Variants in BABAM2 observed in about 807,000 individuals in gnomAD.
The protein encoded by BABAM2 is BRISC and BRCA1-A complex member 2.
BABAM2 carries 31 observed loss-of-function variants against 54.7 expected under a neutral mutation model. The ratio of observed to expected loss-of-function variants is 0.57; its 90% CI spans 0.43 to 0.77. The LOEUF is 0.77. Ranked by LOEUF, BABAM2 falls within the 30% of genes least tolerant of loss-of-function variation. The probability of loss-of-function intolerance (pLI) is 0.00; values close to 1 mark genes in which losing one functional copy is unlikely to be tolerated. For missense variants in BABAM2, 364 were observed against 455.8 expected (o/e 0.80, Z 1.83); for synonymous variants, 167 against 162.9 (o/e 1.03, Z -0.19).
At chr2:28,047,304 T>A (rs1677658127) in intron 6 of BABAM2, among the ~76,000 whole-genome samples, 1 of 152,216 alleles carries the variant, frequency 6.6e-6, no homozygotes, top group African/African-American at 2.4e-5. Context: ...TAGTAAGCAG[T>A]CTTCTAAGAA....
intron 7 of BABAM2, among the ~76,000 whole-genome samples, chr2:28,209,518 A>G (rs76994435): frequency 0.062 from 9,442 of 152,296 alleles, 428 homozygotes; most frequent in Non-Finnish European, 0.094. Flanking sequence ...TGGACACTGA[A>G]TTATAAGCAT....
intron 5 of BABAM2, among the ~76,000 whole-genome samples, chr2:28,025,906 G>T (rs1401464939): frequency 1.3e-5 from 2 of 152,124 alleles, no homozygotes; most frequent in African/African-American, 4.8e-5. Context: ...AATCAAGTCA[G>T]ACCTTATCAC....
intron 6 of BABAM2, among the ~76,000 whole-genome samples, chr2:28,060,477 C>T (rs1233034134): frequency 6.6e-6 from 1 of 152,054 alleles, no homozygotes; most frequent in Non-Finnish European, 1.5e-5. Flanking sequence ...CTATTCAGTA[C>T]TGGGGGGGCC....
intron 7 of BABAM2, among the ~76,000 whole-genome samples, chr2:28,157,487 T>C (rs1206321640): frequency 6.6e-6 from 1 of 152,336 alleles, no homozygotes; most frequent in Non-Finnish European, 1.5e-5. Context: ...CAAGCTTTGA[T>C]AGCAGCAAAA....
chr2:27,919,589 T>TATTA (rs1406267113), intron 2 of BABAM2, among the ~76,000 whole-genome samples: 1 of 152,232 alleles, frequency 6.6e-6, no homozygotes, highest in Non-Finnish European at 1.5e-5. Context: ...CACTTGTACT[T>TATTA]ATTAAGATAA....
In BABAM2 at chr2:28,026,979, A is replaced by ATATAAATATAT. The variant is rs1558668295; in HGVS notation, c.495+1559_495+1560insTATAAATATAT. ...ATATAAATATATATATAAATATATA[A>ATATAAATATAT]ATATATATAAAAATATATAAATATA... On this transcript the variant is annotated intron_variant, in intron 5 of 11. Coordinates refer to ENST00000379624, the MANE Select transcript of BABAM2 (RefSeq NM_199191.3). 2.4e-3 allele frequency among the ~76,000 whole-genome samples: 230 copies of ATATAAATATAT among 96,572 alleles called. 6 individuals are homozygous for ATATAAATATAT. The highest frequency in any genetic ancestry group is 0.011 in the African/African-American group (217 of 19,492). 63.4% of individuals were successfully genotyped at this position (96,572 alleles called of 152,430 possible).
intron 7 of BABAM2, among the ~76,000 whole-genome samples, chr2:28,210,198 C>T (rs1451555480): frequency 6.6e-6 from 1 of 152,172 alleles, no homozygotes; most frequent in East Asian, 1.9e-4. Context: ...GGTTCTCCTC[C>T]CTGCTTTCCT....
chr2:28,216,628 G>A (rs1365394205), intron 7 of BABAM2, among the ~76,000 whole-genome samples: 2 of 152,144 alleles, frequency 1.3e-5, no homozygotes, highest in African/African-American at 2.4e-5. Flanking sequence ...CAGAGTGTTG[G>A]CTCCATTTCC....
intron 3 of BABAM2, chr2:27,930,510 GA>G: frequency 1.3e-5 from 2 of 152,368 alleles, no homozygotes; most frequent in East Asian, 3.9e-4. Context: ...CACTTAAGGG[GA>G]GTTACCTTTA....
At chr2:28,115,043 A>G (rs911043651) in intron 6 of BABAM2, among the ~76,000 whole-genome samples, 4 of 152,172 alleles carry the variant, frequency 2.6e-5, no homozygotes, top group Non-Finnish European at 5.9e-5. Flanking sequence ...TAAGCACCAT[A>G]CTGGACACCA....
At chr2:27,982,882 C>CACACACAT (rs746699740) in intron 3 of BABAM2, among the ~76,000 whole-genome samples, 171 of 146,440 alleles carry the variant, frequency 1.2e-3, no homozygotes, top group African/African-American at 3.0e-3. Flanking sequence ...CACACACACA[C>CACACACAT]ATATATGTCA....
At chr2:28,032,444 GC>G (rs879788770) in intron 5 of BABAM2, among the ~76,000 whole-genome samples, 2 of 151,942 alleles carry the variant, frequency 1.3e-5, no homozygotes, top group Non-Finnish European at 2.9e-5. Flanking sequence ...TCTTCTCCCT[GC>G]CCCCTGAACC....
At chr2:28,283,267 G>A (rs1181638438) in intron 10 of BABAM2, among the ~76,000 whole-genome samples, 2 of 152,170 alleles carry the variant, frequency 1.3e-5, no homozygotes, top group African/African-American at 4.8e-5. Flanking sequence ...CCACTCTATA[G>A]CGTAATCTCA....
At chr2:27,975,524 C>T (rs534743619) in intron 3 of BABAM2, among the ~76,000 whole-genome samples, 1 of 152,132 alleles carries the variant, frequency 6.6e-6, no homozygotes, top group East Asian at 1.9e-4. Context: ...AAAAAAAGGA[C>T]CTTGACTTAT....
At chr2:28,159,767 C>T (rs1672880239) in intron 7 of BABAM2, among the ~76,000 whole-genome samples, 2 of 151,820 alleles carry the variant, frequency 1.3e-5, no homozygotes, top group Admixed American at 6.6e-5. Flanking sequence ...GTAATCCCAG[C>T]GACTCAGGAG....
chr2:28,123,932 G>T lies in BABAM2; in HGVS notation c.571-5339G>T, dbSNP rs536083041. 5.9e-5 allele frequency among the ~76,000 whole-genome samples: 9 copies of T among 152,190 alleles called. No homozygotes were observed. In the South Asian group the frequency reaches 1.9e-3, roughly 32 times the overall value. On this transcript the variant is annotated intron_variant, in intron 6 of 11. Transcript: ENST00000379624. Reference sequence around the variant, plus strand: ...TGGAGGATTGTCTCTAAGCATTTCCGCTCTTTATTGAAATAGTAGTGAAAT... The same window carrying T: ...TGGAGGATTGTCTCTAAGCATTTCCTCTCTTTATTGAAATAGTAGTGAAAT...
intron 6 of BABAM2, among the ~76,000 whole-genome samples, chr2:28,075,596 AGT>A (rs960336332): frequency 3.1e-4 from 47 of 150,444 alleles, no homozygotes; most frequent in Non-Finnish European, 4.1e-4. Flanking sequence ...GTGTGCATGC[AGT>A]GTGTCTTTTT....
intron 11 of BABAM2, among the ~76,000 whole-genome samples, chr2:28,326,505 TCCCAGC>T (rs763432852): frequency 6.6e-6 from 1 of 152,098 alleles, no homozygotes; most frequent in South Asian, 2.1e-4. Flanking sequence ...CTGGCCTCGT[TCCCAGC>T]CCCAGCCCAG....
At chr2:28,000,046 C>A (rs1673470673) in intron 4 of BABAM2, among the ~76,000 whole-genome samples, 1 of 152,086 alleles carries the variant, frequency 6.6e-6, no homozygotes, top group Non-Finnish European at 1.5e-5. Flanking sequence ...GCAGAGAGTT[C>A]CTAAGTGCCC....
Sources: allele counts gnomAD v4.1 joint callset (sites outside exome capture counted in the v4.1 genomes callset), GRCh38; gene constraint gnomAD v4.1.1; transcripts MANE v1.5; gene names NCBI Gene and HGNC (gene_info 2026-07-23, HGNC 2026-07-21).